The following CLCN3 variants were observed in gnomAD, a reference collection of about 807,000 sequenced individuals.
CLCN3 encodes the protein H(+)/Cl(-) exchange transporter 3.
In CLCN3, 16 loss-of-function variants were observed where a neutral mutation model predicts 83.4. That is an observed-to-expected ratio of 0.19 (90% confidence interval 0.13 to 0.29). CLCN3 has a LOEUF of 0.29. Among genes scored for constraint, CLCN3 ranks in the 10% least tolerant of loss-of-function variants. CLCN3 has a pLI of 1.00. For synonymous variants in CLCN3, 322 were observed against 346.2 expected (o/e 0.93, Z 0.78); for missense variants, 544 against 1,006.0 (o/e 0.54, Z 6.21).
Position 169,697,722 on chromosome 4 carries a change from T to G in CLCN3, c.1551T>G (p.Thr517=). 6 of 1,605,748 alleles carry G rather than the reference T, an allele frequency of 3.7e-6. No individual in the cohort carries two copies. The highest frequency in any genetic ancestry group is 5.1e-6 in the Non-Finnish European group (6 of 1,176,272). The part of the protein sequence containing the change: ...LIFKIIMTVF[T]FGIKVPSGLF... ...TTAAAATCATAATGACAGTATTCAC[T>G]TTTGGCATCAAGGTAAGTGCTAATG... The change falls in exon 9 of 13, where the codon ACT becomes ACG. Residue 517 remains threonine (T), a synonymous_variant. Coordinates refer to ENST00000513761, the MANE Select transcript of CLCN3 (RefSeq NM_001829.4).
intron 9 of CLCN3, among the ~76,000 whole-genome samples, chr4:169,697,991 G>C (rs1004775280): frequency 2.0e-5 from 3 of 152,156 alleles, no homozygotes; most frequent in Non-Finnish European, 2.9e-5. Context: ...TCAACGACTT[G>C]GGAAGGGCTC....
intron 1 of CLCN3, 86 bp from the exon 2 acceptor site, chr4:169,635,827 A>G (rs1045806932): frequency 1.8e-6 from 2 of 1,116,694 alleles, no homozygotes; most frequent in Non-Finnish European, 2.5e-6. Flanking sequence ...TAGCACATAG[A>G]TCATAACTTT....
At chr4:169,648,372 T>C (rs1266591241) in intron 2 of CLCN3, among the ~76,000 whole-genome samples, 3 of 152,230 alleles carry the variant, frequency 2.0e-5, no homozygotes, top group African/African-American at 7.2e-5. Flanking sequence ...AAATGAAGTT[T>C]ATTTTTAAAA....
chr4:169,723,629 T>C lies in CLCN3; in HGVS notation c.*3632T>C, dbSNP rs1733703914. ...TAAGTAACAACCTTTGATTAAGATG[T>C]GGTCTTTTACTATTAAGCTTTTAGT... is the stretch of plus-strand genomic sequence containing the variant. On this transcript the variant is annotated 3_prime_UTR_variant, in exon 13 of 13. Coordinates refer to ENST00000513761, the MANE Select transcript of CLCN3 (RefSeq NM_001829.4). 1 of 152,216 alleles carries C rather than the reference T, an allele frequency of 6.6e-6. No homozygotes were observed. Among genetic ancestry groups the C allele is most frequent in the South Asian group, 2.1e-4 (1 of 4,830 alleles). The allele number at this position is 152,216 out of a possible 1,614,324, so 9.4% of individuals were successfully genotyped here.
At chr4:169,626,267 A>G (rs1156630194) in intron 1 of CLCN3, among the ~76,000 whole-genome samples, 1 of 152,182 alleles carries the variant, frequency 6.6e-6, no homozygotes, top group East Asian at 1.9e-4. Flanking sequence ...AAGAGCATGG[A>G]GCTTCCATGC....
intron 12 of CLCN3, among the ~76,000 whole-genome samples, chr4:169,716,357 C>T (rs1733422757): frequency 6.6e-6 from 1 of 152,044 alleles, no homozygotes; most frequent in Non-Finnish European, 1.5e-5. Context: ...TGTGATTTGG[C>T]AGAGTTTACC....
chr4:169,715,228 T>C (rs1008230796), intron 12 of CLCN3, among the ~76,000 whole-genome samples: 2 of 152,066 alleles, frequency 1.3e-5, no homozygotes, highest in Non-Finnish European at 2.9e-5. Context: ...GAAAGGAAAA[T>C]ATTTAAAAGA....
chr4:169,656,563 C>G (rs937256482), intron 2 of CLCN3, among the ~76,000 whole-genome samples: 2 of 152,170 alleles, frequency 1.3e-5, no homozygotes, highest in East Asian at 3.8e-4. Flanking sequence ...GGATACAGAT[C>G]CAAACCATAT....
At chr4:169,624,401 T>C (rs1773179873) in intron 1 of CLCN3, among the ~76,000 whole-genome samples, 1 of 152,180 alleles carries the variant, frequency 6.6e-6, no homozygotes, top group Non-Finnish European at 1.5e-5. Context: ...CCCAAAGTGC[T>C]GGGATTACAG....
At chr4:169,633,970 T>C (rs72694741) in intron 1 of CLCN3, among the ~76,000 whole-genome samples, 11,284 of 152,098 alleles carry the variant, frequency 0.074, 471 homozygotes, top group African/African-American at 0.12. Flanking sequence ...TTTTTTTATC[T>C]TAAGTTATCA....
At chr4:169,712,970 G>C in intron 11 of CLCN3, 109 bp from the exon 12 acceptor site, 1 of 722,102 alleles carries the variant, frequency 1.4e-6, no homozygotes, top group Non-Finnish European at 2.3e-6. Flanking sequence ...AAAAAATGAA[G>C]GGATCAGAAG....
At chr4:169,645,001 A>T (rs1268214604) in intron 2 of CLCN3, among the ~76,000 whole-genome samples, 1 of 152,214 alleles carries the variant, frequency 6.6e-6, no homozygotes, top group Non-Finnish European at 1.5e-5. Flanking sequence ...CCCTGCTGAC[A>T]CACCTTGATC....
chr4:169,696,059 G>GT (rs1164129939), intron 8 of CLCN3, among the ~76,000 whole-genome samples: 3 of 151,956 alleles, frequency 2.0e-5, no homozygotes, highest in Non-Finnish European at 4.4e-5. Context: ...TGGCCAGGCT[G>GT]TTTTTTTGTG....
chr4:169,723,120 A>G lies in CLCN3; in HGVS notation c.*3123A>G, dbSNP rs555724668. 2 of 152,330 alleles carry G rather than the reference A, an allele frequency of 1.3e-5. No homozygotes were observed. Among genetic ancestry groups the G allele is most frequent in the East Asian group, 1.9e-4 (1 of 5,192 alleles). The allele number at this position is 152,330 out of a possible 1,614,324, so 9.4% of individuals were successfully genotyped here. On this transcript the variant is annotated 3_prime_UTR_variant, in exon 13 of 13. Transcript: ENST00000513761. ...TTATACTAGTGTAGTAAAGCTGCAT[A>G]TCATTACAGTAAAAACGACTACTGT...
chr4:169,694,691 T>C (rs1732498342), intron 7 of CLCN3, among the ~76,000 whole-genome samples: 1 of 151,982 alleles, frequency 6.6e-6, no homozygotes. Flanking sequence ...ATACAAAAAT[T>C]AGCCGGGCGT....
At position 169,697,630 on chromosome 4, in the gene CLCN3, A is replaced by G. The variant is rs139779279; in HGVS notation, c.1459A>G (p.Ile487Val). Residue 487 changes from isoleucine to valine, a missense_variant, in exon 9 of 13, where the codon ATT (isoleucine) becomes GTT (valine). Around this residue, in one of 6 missense-constraint regions of CLCN3, gnomAD observed 194 missense variants for 341.4 expected, o/e 0.57. Transcript: ENST00000513761. Reference sequence around the variant, plus strand: ...GAATGCCAGTAAAATTGTCGATGACATTCCTGATCGTCCAGCAGGCATTGG... The same window carrying G: ...GAATGCCAGTAAAATTGTCGATGACGTTCCTGATCGTCCAGCAGGCATTGG... ...DMNASKIVDDIPDRPAGIGVY... is the reference protein window; with the variant it reads ...DMNASKIVDDVPDRPAGIGVY... The G allele has an allele frequency of 2.5e-5, 41 of 1,613,998 alleles. No individual in the cohort carries two copies. In the African/African-American group the frequency reaches 3.9e-4, roughly 15 times the overall value.
chr4:169,689,372 G>T, intron 5 of CLCN3, 142 bp downstream of exon 5: 1 of 636,798 alleles, frequency 1.6e-6, no homozygotes. Context: ...CAGCAAGAAA[G>T]AATTAAGTGC....
intron 2 of CLCN3, among the ~76,000 whole-genome samples, chr4:169,648,968 A>G (rs955339925): frequency 1.3e-5 from 2 of 151,956 alleles, no homozygotes; most frequent in African/African-American, 2.4e-5. Flanking sequence ...CAGAGGTTGC[A>G]GTAAGCTGAG....
At chr4:169,693,599 A>C (rs1009645797) in intron 7 of CLCN3, among the ~76,000 whole-genome samples, 1 of 152,286 alleles carries the variant, frequency 6.6e-6, no homozygotes, top group South Asian at 2.1e-4. Context: ...CCTTACGACT[A>C]TGTGGGTATA....
Sources: allele counts gnomAD v4.1 joint callset (sites outside exome capture counted in the v4.1 genomes callset), GRCh38; gene constraint gnomAD v4.1.1; regional missense constraint gnomAD v4.1.1; transcripts MANE v1.5; gene names NCBI Gene and HGNC (gene_info 2026-07-23, HGNC 2026-07-21).